The following ANKS1B variants were observed in gnomAD, a reference collection of about 807,000 sequenced individuals.
The protein encoded by ANKS1B is ankyrin repeat and sterile alpha motif domain-containing protein 1B.
Under a neutral mutation model 148.3 loss-of-function variants are expected in ANKS1B, and 36 were observed. The ratio of observed to expected loss-of-function variants is 0.24; its 90% CI spans 0.19 to 0.32. The LOEUF (loss-of-function observed/expected upper bound fraction) is 0.32. Ranked by LOEUF, ANKS1B falls within the 10% of genes least tolerant of loss-of-function variation. ANKS1B has a pLI of 1.00. For missense variants in ANKS1B, 1,157 were observed against 1,542.6 expected, an observed-to-expected ratio of 0.75 and a Z score of 4.19; for synonymous variants, 542 against 560.8, an observed-to-expected ratio of 0.97 and a Z score of 0.47.
In ANKS1B at chr12:99,670,460, A is replaced by T. The variant is rs73387955; in HGVS notation, c.1129-15250T>A. 9.7e-3 allele frequency among the ~76,000 whole-genome samples: 1,475 copies of T among 152,222 alleles called. 29 individuals are homozygous for T. Among genetic ancestry groups the T allele is most frequent in the African/African-American group, 0.033 (1,382 of 41,552 alleles). On this transcript the variant is annotated intron_variant, in intron 8 of 26. Transcript: ENST00000683438. ...AATTTCATTGCTACTTAACTTAATT[A>T]AAAAATTATTGTTTATGCCCAATAT...
intron 8 of ANKS1B, among the ~76,000 whole-genome samples, chr12:99,657,506 T>C (rs2098455268): frequency 1.3e-5 from 2 of 152,264 alleles, no homozygotes; most frequent in South Asian, 4.1e-4. Context: ...TGCAATTTGA[T>C]ACATAGCAGC....
intron 17 of ANKS1B, among the ~76,000 whole-genome samples, chr12:98,890,827 T>G (rs563799244): frequency 2.0e-5 from 3 of 152,278 alleles, no homozygotes; most frequent in African/African-American, 7.2e-5. Context: ...CCGTCCCATG[T>G]TACTAGAGCT....
rs79714506 is a variant in ANKS1B at position 99,650,347 on chromosome 12, A to G, written c.1272+4720T>C. ...GGTTTGAATCACAGCATTGCCACAC[A>G]TTAACTGTGAGTTTCAGTAGATTGT... On this transcript the variant is annotated intron_variant, in intron 9 of 26. Transcript: ENST00000683438. 1.1e-4 allele frequency among the ~76,000 whole-genome samples: 17 copies of G among 152,278 alleles called. No individual in the cohort carries two copies. In the East Asian group the frequency reaches 3.3e-3, roughly 29 times the overall value.
intron 17 of ANKS1B, among the ~76,000 whole-genome samples, chr12:98,858,471 T>C (rs1251672197): frequency 6.6e-6 from 1 of 152,160 alleles, no homozygotes; most frequent in African/African-American, 2.4e-5. Context: ...GCCTCCCGAG[T>C]AGCTAGGACC....
chr12:99,373,639 T>A (rs1032023607), intron 12 of ANKS1B, among the ~76,000 whole-genome samples: 1 of 152,210 alleles, frequency 6.6e-6, no homozygotes, highest in Non-Finnish European at 1.5e-5. Context: ...TCTCCCTAGA[T>A]ATCCCTAGTT....
intron 1 of ANKS1B, among the ~76,000 whole-genome samples, chr12:99,878,981 C>A (rs1216385502): frequency 2.0e-5 from 3 of 152,094 alleles, no homozygotes; most frequent in Non-Finnish European, 4.4e-5. Context: ...GTTTTGATCT[C>A]TTTTCCTGTT....
At chr12:98,971,073 A>G (rs2099882688) in intron 17 of ANKS1B, among the ~76,000 whole-genome samples, 1 of 152,184 alleles carries the variant, frequency 6.6e-6, no homozygotes, top group Non-Finnish European at 1.5e-5. Flanking sequence ...TAGTCAGGAG[A>G]CTTGAGTTGA....
At chr12:99,185,121 C>A (rs1175456170) in intron 14 of ANKS1B, among the ~76,000 whole-genome samples, 4 of 152,264 alleles carry the variant, frequency 2.6e-5, no homozygotes, top group Non-Finnish European at 5.9e-5. Flanking sequence ...CGATGAGTGA[C>A]ACACAATGTG....
intron 16 of ANKS1B, among the ~76,000 whole-genome samples, chr12:99,055,149 T>C (rs1019793672): frequency 6.6e-6 from 1 of 152,186 alleles, no homozygotes. Flanking sequence ...TCATATTCTA[T>C]AGAGAATTAC....
At chr12:98,823,314 G>A (rs1278775099) in intron 19 of ANKS1B, among the ~76,000 whole-genome samples, 1 of 152,174 alleles carries the variant, frequency 6.6e-6, no homozygotes, top group Non-Finnish European at 1.5e-5. Context: ...TAAGTATTAA[G>A]AGTTGCTCTT....
At chr12:98,912,342 G>T (rs2099787976) in intron 17 of ANKS1B, among the ~76,000 whole-genome samples, 1 of 152,160 alleles carries the variant, frequency 6.6e-6, no homozygotes, top group Admixed American at 6.5e-5. Flanking sequence ...CAGAGAAGTA[G>T]CTGCACTGCA....
chr12:99,092,895 A>G (rs2153652263), intron 15 of ANKS1B, among the ~76,000 whole-genome samples: 1 of 152,292 alleles, frequency 6.6e-6, no homozygotes, highest in East Asian at 1.9e-4. Flanking sequence ...AGGTGGTATT[A>G]TTTTCATCTT....
chr12:99,713,442 C>T (rs1198899363), intron 8 of ANKS1B, among the ~76,000 whole-genome samples: 2 of 152,058 alleles, frequency 1.3e-5, no homozygotes, highest in Non-Finnish European at 2.9e-5. Context: ...CTATGTCTTT[C>T]CTCTCACATT....
chr12:99,405,373 CAAA>C (rs2152631730), intron 11 of ANKS1B, among the ~76,000 whole-genome samples: 1 of 145,582 alleles, frequency 6.9e-6, no homozygotes, highest in South Asian at 2.1e-4. Flanking sequence ...ATAGAAACAA[CAAA>C]AGTTAAAAAG....
At chr12:98,975,863 T>C (rs2099894543) in intron 17 of ANKS1B, among the ~76,000 whole-genome samples, 1 of 152,114 alleles carries the variant, frequency 6.6e-6, no homozygotes, top group Non-Finnish European at 1.5e-5. Context: ...GAGCAGGGAA[T>C]GTAGGCAGGG....
intron 12 of ANKS1B, among the ~76,000 whole-genome samples, chr12:99,386,977 T>C (rs1017446721): frequency 2.6e-5 from 4 of 152,226 alleles, no homozygotes; most frequent in Non-Finnish European, 4.4e-5. Context: ...TTGCCATTTA[T>C]TGAGCACCTA....
chr12:98,778,349 ACCTGTAATCC>A (rs2098701343), intron 24 of ANKS1B, among the ~76,000 whole-genome samples: 1 of 152,034 alleles, frequency 6.6e-6, no homozygotes, highest in African/African-American at 2.4e-5. Flanking sequence ...GGTGGCACAC[ACCTGTAATCC>A]CAGCTACTCG....
chr12:98,817,263 C>A (rs1355048506), intron 19 of ANKS1B, among the ~76,000 whole-genome samples: 1 of 152,204 alleles, frequency 6.6e-6, no homozygotes, highest in Non-Finnish European at 1.5e-5. Flanking sequence ...GAAGCCTTAG[C>A]CAATAGCCAG....
chr12:99,478,685 T>C, intron 10 of ANKS1B, among the ~76,000 whole-genome samples: 1 of 152,084 alleles, frequency 6.6e-6, no homozygotes, highest in East Asian at 1.9e-4. Flanking sequence ...ATCTTCAAGC[T>C]TGGAAGTGAA....
Sources: gnomAD v4.1 joint callset for allele counts (sites outside exome capture counted in the v4.1 genomes callset) on GRCh38, gnomAD v4.1.1 for gene constraint, MANE v1.5 for transcripts, NCBI Gene and HGNC (gene_info 2026-07-23, HGNC 2026-07-21) for gene names.